Variants in MCCC1 observed in about 807,000 individuals in gnomAD.
MCCC1 encodes the protein methylcrotonoyl-CoA carboxylase subunit alpha, mitochondrial.
In MCCC1, 64 loss-of-function variants were observed where a neutral mutation model predicts 83.8. The observed-to-expected ratio is 0.76, with a 90% confidence interval of 0.62 to 0.94. MCCC1 has a LOEUF of 0.94. Ranked by LOEUF, MCCC1 falls within the 40% of genes least tolerant of loss-of-function variation. The pLI is 0.00. For missense variants in MCCC1, 807 were observed against 904.7 expected (o/e 0.89, Z 1.39); for synonymous variants, 322 against 315.4 (o/e 1.02, Z -0.22).
At chr3:183,071,408 A>G in intron 5 of MCCC1, 51 bp from the exon 6 acceptor site, 1 of 1,612,894 alleles carries the variant, frequency 6.2e-7, no homozygotes. Flanking sequence ...AAATTATTTC[A>G]TTCAAGACAA....
chr3:183,015,971 C>A (rs1159015800), intron 18 of MCCC1, among the ~76,000 whole-genome samples: 1 of 151,794 alleles, frequency 6.6e-6, no homozygotes, highest in African/African-American at 2.4e-5. Flanking sequence ...CTCTGTCACC[C>A]AGGCTGGAGT....
chr3:183,103,986 C>T (rs1432718635), upstream of MCCC1, among the ~76,000 whole-genome samples: 6 of 152,170 alleles, frequency 3.9e-5, no homozygotes, highest in Non-Finnish European at 7.4e-5. Flanking sequence ...GCCGCTGGCC[C>T]GGGTGCTAAG....
chr3:183,112,784 T>C (rs1719521350), intron 1 of MCCC1, among the ~76,000 whole-genome samples: 1 of 152,112 alleles, frequency 6.6e-6, no homozygotes, highest in African/African-American at 2.4e-5. Flanking sequence ...CTTTAAAATA[T>C]CCTTTGAAGG....
intron 17 of MCCC1, 67 bp downstream of exon 17, chr3:183,020,063 T>C: frequency 8.3e-7 from 1 of 1,206,358 alleles, no homozygotes; most frequent in Admixed American, 1.7e-5. Flanking sequence ...AGGACATAAA[T>C]GACAAGTTTA....
chr3:183,048,460 G>A (rs1329500203), intron 9 of MCCC1, among the ~76,000 whole-genome samples: 1 of 152,158 alleles, frequency 6.6e-6, no homozygotes, highest in Admixed American at 6.5e-5. Flanking sequence ...AAGAAAGTGC[G>A]AGTAGCCATC....
At chr3:183,113,663 G>A (rs886863307) in intron 1 of MCCC1, among the ~76,000 whole-genome samples, 4 of 151,628 alleles carry the variant, frequency 2.6e-5, no homozygotes, top group African/African-American at 7.3e-5. Context: ...TGATCACACC[G>A]CTGTGGTCCA....
At chr3:183,023,169 C>A (rs1712299437) in intron 15 of MCCC1, among the ~76,000 whole-genome samples, 1 of 152,186 alleles carries the variant, frequency 6.6e-6, no homozygotes, top group Non-Finnish European at 1.5e-5. Flanking sequence ...GATAAAAGGA[C>A]ATGGAACCTG....
chr3:183,057,487 G>C (rs1715512358), intron 7 of MCCC1, 65 bp from the exon 8 acceptor site: 3 of 1,258,350 alleles, frequency 2.4e-6, no homozygotes, highest in African/African-American at 1.5e-5. Context: ...CATTCGTTAA[G>C]CTAAACTGTT....
rs770093653 is a variant in MCCC1, at chr3:183,057,434, CA to C, written c.762-13del. 7.6e-6 allele frequency: 12 copies of C among 1,573,296 alleles called. No homozygotes were observed. The Admixed American group carries it at 1.6e-4, about 21-fold the overall frequency. On this transcript the variant is annotated splice_polypyrimidine_tract_variant and intron_variant, in intron 7 of 18. Coordinates refer to ENST00000265594, the MANE Select transcript of MCCC1 (RefSeq NM_020166.5). Reference sequence around the variant, plus strand: ...GGACTTCTACATGCCTATATAAAAGCAAACATGTATGTTAATATATTTGTTA... The same window carrying C: ...GGACTTCTACATGCCTATATAAAAGCAACATGTATGTTAATATATTTGTTA...
chr3:183,068,134 C>G (rs1374079481), intron 7 of MCCC1, among the ~76,000 whole-genome samples: 2 of 152,162 alleles, frequency 1.3e-5, no homozygotes, highest in Non-Finnish European at 2.9e-5. Flanking sequence ...AGGGAAATGT[C>G]AGAGGCATTT....
At chr3:183,101,598 A>G (rs1418190517), upstream of MCCC1, among the ~76,000 whole-genome samples, 2 of 152,234 alleles carry the variant, frequency 1.3e-5, no homozygotes, top group East Asian at 3.9e-4. Flanking sequence ...ACCAATCAGC[A>G]CCCTGACAAA....
At chr3:183,099,527 T>C (rs987685560), upstream of MCCC1, 381 of 1,501,014 alleles carry the variant, frequency 2.5e-4, 1 homozygote, top group Admixed American at 2.6e-3. Flanking sequence ...CTACGAAGCC[T>C]CGTGACCCCC....
chr3:183,031,303 C>T (rs1713047811), intron 14 of MCCC1, among the ~76,000 whole-genome samples: 1 of 152,142 alleles, frequency 6.6e-6, no homozygotes, highest in Non-Finnish European at 1.5e-5. Flanking sequence ...AATACAGTAT[C>T]TGACATAAAC....
chr3:183,027,883 G>C (rs538554184), intron 14 of MCCC1, among the ~76,000 whole-genome samples: 67 of 152,314 alleles, frequency 4.4e-4, no homozygotes, highest in African/African-American at 1.6e-3. Flanking sequence ...AGATAAAGCA[G>C]AAAGTGCTGA....
intron 3 of MCCC1, among the ~76,000 whole-genome samples, chr3:183,088,174 A>G (rs1718041494): frequency 6.7e-6 from 1 of 149,698 alleles, no homozygotes; most frequent in South Asian, 2.1e-4. Context: ...CAAAGAGACC[A>G]TTTTAAATGT....
Position 183,037,270 on chromosome 3 carries a change from A to T in MCCC1, c.1542T>A (p.Gly514=). 1 of 1,614,084 alleles carries T rather than the reference A, an allele frequency of 6.2e-7. No homozygotes were observed. ...AKESLCQAAL[G]LILKEKAMTD... ...TCATGGCTTTCTCCTTGAGGATGAGACCCAGGGCTGCCTGGCATAAAGACT... is the reference window on the plus strand; with the variant it reads ...TCATGGCTTTCTCCTTGAGGATGAGTCCCAGGGCTGCCTGGCATAAAGACT... Residue 514 remains glycine (G), a synonymous_variant, in exon 13 of 19, where the codon GGT becomes GGA. Transcript: ENST00000265594.
Position 183,094,587 on chromosome 3 carries a change from T to C in MCCC1, c.108A>G (p.Gln36=), listed in dbSNP as rs1577367769. ...TGGCTGTTGTGTACTTCATGGTTCT[T>C]TGCCTCCACACCCATGTCCTATAAC... The part of the protein sequence containing the change: ...LLPPRTWVWR[Q]RTMKYTTATG... The change falls in exon 2 of 19, where the codon CAA becomes CAG. Residue 36 remains glutamine (Q), a synonymous_variant. Transcript: ENST00000265594. 6.2e-7 allele frequency: 1 copy of C among 1,614,168 alleles called. No homozygotes were observed. Among genetic ancestry groups the C allele is most frequent in the Non-Finnish European group, 8.5e-7 (1 of 1,180,002 alleles).
rs569154207 is a variant in MCCC1, at chr3:183,054,479, G to A, written c.874-2239C>T. Among the ~76,000 whole-genome samples the A allele has an allele frequency of 9.9e-5, 15 of 152,094 alleles. No individual in the cohort carries two copies. In the South Asian group the frequency reaches 1.5e-3, roughly 15 times the overall value. ...TGGGATTACAGGCGTGAGCCACCGC[G>A]CCCGGCCTAGAAAAAATATTTTTGT... On this transcript the variant is annotated intron_variant, in intron 8 of 18. Transcript: ENST00000265594.
chr3:183,108,111 T>A (rs932456744), intron 1 of MCCC1, among the ~76,000 whole-genome samples: 1 of 152,218 alleles, frequency 6.6e-6, no homozygotes. Context: ...CTTAATGTTA[T>A]TACGCTGACA....
Sources: allele counts gnomAD v4.1 joint callset (sites outside exome capture counted in the v4.1 genomes callset), GRCh38; gene constraint gnomAD v4.1.1; transcripts MANE v1.5; gene names NCBI Gene and HGNC (gene_info 2026-07-23, HGNC 2026-07-21).